Variants in MYO16 observed in about 807,000 individuals in gnomAD.
MYO16 encodes the protein unconventional myosin-XVI.
Under a neutral mutation model 205.3 loss-of-function variants are expected in MYO16, and 94 were observed. The observed-to-expected ratio is 0.46, with a 90% CI of 0.39 to 0.54. The LOEUF (loss-of-function observed/expected upper bound fraction) is 0.54, where lower values mean the gene tolerates loss of function less well. Ranked by LOEUF, MYO16 falls within the 20% of genes least tolerant of loss-of-function variation. The pLI, the probability that MYO16 is intolerant of heterozygous loss-of-function variation, is 0.00. For synonymous variants in MYO16, 988 were observed against 954.0 expected (o/e 1.04, Z -0.66); for missense variants, 2,315 against 2,387.5 (o/e 0.97, Z 0.63).
chr13:108,585,969 C>T, the MYO16 span, among the ~76,000 whole-genome samples: 2 of 76,858 alleles, frequency 2.6e-5, no homozygotes, highest in Non-Finnish European at 6.7e-5. Flanking sequence ...TATTTTAAGA[C>T]TTGATCTGTA....
intron 20 of MYO16, among the ~76,000 whole-genome samples, chr13:108,980,160 A>T (rs1884403586): frequency 6.6e-6 from 1 of 152,212 alleles, no homozygotes; most frequent in Non-Finnish European, 1.5e-5. Context: ...ATGTTATTAC[A>T]AATATTGAGA....
At position 108,770,314 on chromosome 13, in the gene MYO16, C is replaced by T. The variant is rs980948559; in HGVS notation, c.508-15321C>T. 3.3e-5 allele frequency among the ~76,000 whole-genome samples: 5 copies of T among 151,984 alleles called. No individual in the cohort carries two copies. The East Asian group carries it at 7.7e-4, about 23-fold the overall frequency. ...AGAAATTTGTTTTATTTTATTTTTA[C>T]TGTCTTTAAATTTTCAGATAACTGT... On this transcript the variant is annotated intron_variant, in intron 4 of 34. Coordinates refer to ENST00000457511, the MANE Select transcript of MYO16 (RefSeq NM_001198950.3).
intron 15 of MYO16, among the ~76,000 whole-genome samples, 166 bp downstream of exon 15, chr13:108,898,299 GTA>G (rs1400752334): frequency 3.3e-5 from 5 of 151,138 alleles, no homozygotes; most frequent in African/African-American, 1.2e-4. Flanking sequence ...TGGAAAGTTT[GTA>G]TTACATTAGA....
intron 4 of MYO16, among the ~76,000 whole-genome samples, chr13:108,768,870 CA>C (rs1216039323): frequency 7.2e-5 from 11 of 151,820 alleles, no homozygotes; most frequent in African/African-American, 2.7e-4. Context: ...AATAAATAGC[CA>C]AAACCCTTGA....
At chr13:108,701,534 C>T (rs754130644) in intron 2 of MYO16, among the ~76,000 whole-genome samples, 11 of 152,070 alleles carry the variant, frequency 7.2e-5, no homozygotes, top group Non-Finnish European at 1.3e-4. Context: ...TTTTGGACTT[C>T]TCAGGATATA....
the MYO16 span, among the ~76,000 whole-genome samples, chr13:108,495,825 C>T: frequency 1.3e-5 from 2 of 151,678 alleles, no homozygotes; most frequent in Non-Finnish European, 2.9e-5. Context: ...GGGGCAACTG[C>T]CGACCCCTCT....
At chr13:109,102,508 G>A (rs111227903) in intron 28 of MYO16, among the ~76,000 whole-genome samples, 94 of 55,608 alleles carry the variant, frequency 1.7e-3, no homozygotes, top group African/African-American at 6.3e-3. Flanking sequence ...GTGTGTGTGT[G>A]TATATATATA....
intron 16 of MYO16, among the ~76,000 whole-genome samples, chr13:108,957,019 A>G (rs1209048344): frequency 6.6e-6 from 1 of 152,204 alleles, no homozygotes; most frequent in Non-Finnish European, 1.5e-5. Flanking sequence ...ATAACTTACT[A>G]TAAACTAGGC....
chr13:109,071,320 G>T (rs1285853645), intron 27 of MYO16, among the ~76,000 whole-genome samples: 1 of 152,070 alleles, frequency 6.6e-6, no homozygotes, highest in Admixed American at 6.6e-5. Context: ...ATATTAGAAA[G>T]AAACTTTTTA....
rs1403708746 is a variant in MYO16, at chr13:109,032,016, A to G, written c.2796+12105A>G. 6.6e-5 allele frequency among the ~76,000 whole-genome samples: 10 copies of G among 151,896 alleles called. No homozygotes were observed. The East Asian group carries it at 1.7e-3, about 26-fold the overall frequency. The stretch of plus-strand genomic sequence containing the variant: ...TGCCTCTACTGATGTGCATTGTTTC[A>G]CTGTGGTTTCCTGCACACTGTGCTT... On this transcript the variant is annotated intron_variant, in intron 23 of 34. Coordinates refer to ENST00000457511, the MANE Select transcript of MYO16 (RefSeq NM_001198950.3).
chr13:108,946,837 GC>G (rs1424532903), intron 16 of MYO16, among the ~76,000 whole-genome samples: 1 of 152,042 alleles, frequency 6.6e-6, no homozygotes, highest in Non-Finnish European at 1.5e-5. Context: ...AGCCTCCTAA[GC>G]CCAAGTGATC....
At chr13:108,742,944 G>A (rs916181274) in intron 4 of MYO16, among the ~76,000 whole-genome samples, 1 of 152,104 alleles carries the variant, frequency 6.6e-6, no homozygotes, top group Non-Finnish European at 1.5e-5. Flanking sequence ...TTTCTGATAC[G>A]ATTTTAGATA....
rs542494146 is a variant in MYO16 at position 108,914,831 on chromosome 13, C to T, written c.1925+4681C>T. The stretch of plus-strand genomic sequence containing the variant: ...CTGATTTTTGTATTTTTAGTAGGGA[C>T]GGGGTTTCACCATGTTGGCCAGGCT... On this transcript the variant is annotated intron_variant, in intron 16 of 34. Transcript: ENST00000457511. 3.3e-4 allele frequency among the ~76,000 whole-genome samples: 50 copies of T among 152,088 alleles called. No individual in the cohort carries two copies. In the South Asian group the frequency reaches 4.8e-3, roughly 15 times the overall value.
At chr13:109,045,416 G>A (rs375067212) in intron 23 of MYO16, among the ~76,000 whole-genome samples, 3 of 152,174 alleles carry the variant, frequency 2.0e-5, no homozygotes, top group Non-Finnish European at 4.4e-5. Context: ...ATTTAACAAC[G>A]TATGGTGTGT....
chr13:109,126,863 T>G (rs1179557454), intron 30 of MYO16, among the ~76,000 whole-genome samples: 1 of 152,160 alleles, frequency 6.6e-6, no homozygotes, highest in Non-Finnish European at 1.5e-5. Flanking sequence ...CTCCCAGCAT[T>G]TGATGCATCA....
chr13:108,830,116 G>T (rs1352346178), intron 9 of MYO16, among the ~76,000 whole-genome samples: 3 of 131,880 alleles, frequency 2.3e-5, no homozygotes, highest in East Asian at 4.0e-4. Context: ...AACAACAGAT[G>T]CTGGAGAGGA....
intron 2 of MYO16, among the ~76,000 whole-genome samples, chr13:108,699,983 G>A (rs116491477): frequency 0.015 from 2,353 of 152,082 alleles, 64 homozygotes; most frequent in African/African-American, 0.054. Flanking sequence ...GAGAACACTG[G>A]CACTATCAAC....
chr13:109,195,918 A>G (rs1880134925), intron 34 of MYO16, among the ~76,000 whole-genome samples: 1 of 152,218 alleles, frequency 6.6e-6, no homozygotes, highest in Non-Finnish European at 1.5e-5. Context: ...CATGCCCTAG[A>G]CCTCATAATT....
chr13:108,709,265 T>A lies in MYO16; in HGVS notation c.293-3396T>A, dbSNP rs568554805. Among the ~76,000 whole-genome samples the A allele has an allele frequency of 9.2e-5, 14 of 152,344 alleles. No homozygotes were observed. In the South Asian group the frequency reaches 2.9e-3, roughly 32 times the overall value. ...TACAAAGTTGCTATGAACCCGTACC[T>A]TTTTGGATAAAGTATTTTAACAGAA... On this transcript the variant is annotated intron_variant, in intron 2 of 34. Transcript: ENST00000457511.
Sources: gnomAD v4.1 joint callset for allele counts (sites outside exome capture counted in the v4.1 genomes callset) on GRCh38, gnomAD v4.1.1 for gene constraint, MANE v1.5 for transcripts, NCBI Gene and HGNC (gene_info 2026-07-23, HGNC 2026-07-21) for gene names.